Variants in XPO1 observed in about 807,000 individuals in gnomAD.
The protein encoded by XPO1 is exportin-1.
XPO1 carries 5 observed loss-of-function variants against 133.3 expected under a neutral mutation model. That is an observed-to-expected ratio of 0.04 (90% confidence interval 0.02 to 0.08). The LOEUF (loss-of-function observed/expected upper bound fraction) is 0.08. Ranked by LOEUF, XPO1 falls within the 10% of genes least tolerant of loss-of-function variation. The pLI is 1.00. For missense variants in XPO1, 506 were observed against 1,267.5 expected, an observed-to-expected ratio of 0.40 and a Z score of 9.12; for synonymous variants, 419 against 408.2, an observed-to-expected ratio of 1.03 and a Z score of -0.32.
Position 61,482,285 on chromosome 2 carries a change from C to T in XPO1, c.2972+95G>A, listed in dbSNP as rs149904145. The T allele has an allele frequency of 6.2e-4, 756 of 1,211,622 alleles. 1 individual carries two copies. Among genetic ancestry groups the T allele is most frequent in the South Asian group, 5.5e-3 (310 of 56,588 alleles). 75.1% of individuals were successfully genotyped at this position (1,211,622 alleles called of 1,614,324 possible). On this transcript the variant is annotated intron_variant, in intron 23 of 24. Coordinates refer to ENST00000401558, the MANE Select transcript of XPO1 (RefSeq NM_003400.4). ...TCTCCAACTTTTGGGCCCAAGCAAT[C>T]CTCCCACCTTAGGCTTCCCAAAGTG... is the stretch of plus-strand genomic sequence containing the variant.
At chr2:61,525,274 T>C (rs1484996965) in intron 3 of XPO1, 3 of 985,560 alleles carry the variant, frequency 3.0e-6, no homozygotes, top group African/African-American at 3.5e-5. Flanking sequence ...GTAGACCTTG[T>C]GGAGGCCTGC....
rs1696493594 is a variant in XPO1 at position 61,483,286 on chromosome 2, A to G, written c.2678-195T>C. 5.6e-6 allele frequency: 3 copies of G among 537,258 alleles called. No homozygotes were observed. The Admixed American group carries it at 1.1e-4, about 20-fold the overall frequency. The allele number at this position is 537,258 out of a possible 1,614,324, so 33.3% of individuals were successfully genotyped here. A position where few individuals can be genotyped will look rare whatever the true frequency, so the allele number is the denominator to read the frequency against. ...ATATCCAATGCTGGCTTACTTATAA[A>G]TTATAATAAGTTGTGTGAGAGCTAA... On this transcript the variant is annotated intron_variant, in intron 21 of 24. Coordinates refer to ENST00000401558, the MANE Select transcript of XPO1 (RefSeq NM_003400.4).
In XPO1 at chr2:61,533,912, A is replaced by G; in HGVS notation, c.-6-9T>C. 6.6e-7 allele frequency: 1 copy of G among 1,513,422 alleles called. No individual in the cohort carries two copies. The allele number at this position is 1,513,422 out of a possible 1,614,324, so 93.7% of individuals were successfully genotyped here. The stretch of plus-strand genomic sequence containing the variant: ...ATTGCTGGCATAGATTACTGAAAAT[A>G]AAGAAAAAAAATTGAAGCTGCCTAT... On this transcript the variant is annotated splice_polypyrimidine_tract_variant and intron_variant, in intron 1 of 24. Coordinates refer to ENST00000401558, the MANE Select transcript of XPO1 (RefSeq NM_003400.4).
At chr2:61,490,892 C>G (rs1696947141) in intron 16 of XPO1, 116 bp from the exon 17 acceptor site, 1 of 1,250,070 alleles carries the variant, frequency 8.0e-7, no homozygotes, top group Non-Finnish European at 1.1e-6. Context: ...CAGTGGATCA[C>G]TCCTGTAATC....
intron 17 of XPO1, among the ~76,000 whole-genome samples, chr2:61,489,781 C>A (rs1411200531): frequency 1.3e-5 from 2 of 152,008 alleles, no homozygotes; most frequent in African/African-American, 4.8e-5. Flanking sequence ...GTCTCGATCC[C>A]CTGACCTGGT....
In XPO1 at chr2:61,525,484, T is replaced by C. The variant is rs1432931047; in HGVS notation, c.228+936A>G. 4 of 1,008,762 alleles carry C rather than the reference T, an allele frequency of 4.0e-6. No individual in the cohort carries two copies. In the African/African-American group the frequency reaches 5.2e-5, roughly 13 times the overall value. The allele number at this position is 1,008,762 out of a possible 1,614,324, so 62.5% of individuals were successfully genotyped here. The stretch of plus-strand genomic sequence containing the variant: ...TTTGTAATTTATGTAAATTGAAGAA[T>C]TCTTTACCTGTTGCTTTCTTTCTGT... On this transcript the variant is annotated intron_variant, in intron 3 of 24. Transcript: ENST00000401558.
Position 61,486,416 on chromosome 2 carries a change from C to T in XPO1, c.2314-454G>A, listed in dbSNP as rs1202610918. 3.9e-5 allele frequency among the ~76,000 whole-genome samples: 6 copies of T among 151,978 alleles called. No homozygotes were observed. In the East Asian group the frequency reaches 5.8e-4, roughly 15 times the overall value. Reference sequence around the variant, plus strand: ...CTTAGGTGGCAGAATCAGGATTCTACGTATACTGTATATGTAAGATGGCAG... The same window carrying T: ...CTTAGGTGGCAGAATCAGGATTCTATGTATACTGTATATGTAAGATGGCAG... On this transcript the variant is annotated intron_variant, in intron 19 of 24. Transcript: ENST00000401558.
intron 4 of XPO1, among the ~76,000 whole-genome samples, chr2:61,512,811 C>T (rs755269326): frequency 6.6e-6 from 1 of 152,182 alleles, no homozygotes; most frequent in Admixed American, 6.5e-5. Flanking sequence ...GAGGCTGAGA[C>T]TGGCGGATCA....
At chr2:61,495,032 CAG>C (rs1158710805) in intron 11 of XPO1, among the ~76,000 whole-genome samples, 3 of 151,916 alleles carry the variant, frequency 2.0e-5, no homozygotes, top group African/African-American at 7.2e-5. Flanking sequence ...TTAATAGAGA[CAG>C]AGATTCACGA....
intron 4 of XPO1, among the ~76,000 whole-genome samples, chr2:61,521,340 TAA>T (rs1213883722): frequency 1.1e-4 from 16 of 152,106 alleles, no homozygotes; most frequent in African/African-American, 3.9e-4. Context: ...GGACAATACT[TAA>T]AAGACAAATA....
chr2:61,523,992 T>C (rs536964532), intron 3 of XPO1, among the ~76,000 whole-genome samples: 1 of 152,366 alleles, frequency 6.6e-6, no homozygotes, highest in East Asian at 1.9e-4. Flanking sequence ...TAAATAGTGA[T>C]GCTTTCTAAC....
At chr2:61,525,475 A>C (rs1698874204) in intron 3 of XPO1, 1 of 1,007,854 alleles carries the variant, frequency 9.9e-7, no homozygotes, top group Non-Finnish European at 1.2e-6. Flanking sequence ...ATTTATGTAA[A>C]TTGAAGAATT....
rs2104435327 is a variant in XPO1, at chr2:61,492,681, C to T, written c.1452G>A (p.Val484=). Reference sequence around the variant, plus strand: ...TTTTCCATGACCACTCTGTACCATTCACTTGATTGTGAAGCTTCTCTGTCA... The same window carrying T: ...TTTTCCATGACCACTCTGTACCATTTACTTGATTGTGAAGCTTCTCTGTCA... ...RIMTEKLHNQ[V]NGTEWSWKNL... is the part of the protein sequence containing the mutation. The change falls in exon 14 of 25, where the codon GTG becomes GTA. Residue 484 remains valine, a synonymous_variant. Transcript: ENST00000401558. This position sits in a 1 kb window ranked among gnomAD's most constrained non-coding sequence, Gnocchi z 5.6. 8.1e-6 allele frequency: 13 copies of T among 1,613,920 alleles called. No individual in the cohort carries two copies. Among genetic ancestry groups the T allele is most frequent in the Non-Finnish European group, 1.1e-5 (13 of 1,179,970 alleles).
intron 3 of XPO1, among the ~76,000 whole-genome samples, chr2:61,524,561 TC>T (rs1376010076): frequency 6.6e-6 from 1 of 152,120 alleles, no homozygotes; most frequent in African/African-American, 2.4e-5. Context: ...TATCCTAAAA[TC>T]CAATCTCTCC....
intron 3 of XPO1, chr2:61,525,644 TTA>T (rs1258788249): frequency 2.9e-6 from 3 of 1,022,784 alleles, no homozygotes; most frequent in East Asian, 6.5e-5. Context: ...GCAAACACTG[TTA>T]TGTTACTTAA....
intron 12 of XPO1, chr2:61,493,271 A>T (rs1573131127): frequency 2.5e-6 from 1 of 403,014 alleles, no homozygotes; most frequent in East Asian, 3.8e-5. Context: ...AATGACACCC[A>T]ATCTCTAAAA....
rs1457995063 is a variant in XPO1, at chr2:61,534,073, T to C, written c.-6-170A>G. Reference sequence around the variant, plus strand: ...TAAAAGCAAGTAACAAAAGCTGAAATTACTTAGCTATTTGATAATTACATA... The same window carrying C: ...TAAAAGCAAGTAACAAAAGCTGAAACTACTTAGCTATTTGATAATTACATA... On this transcript the variant is annotated intron_variant, in intron 1 of 24. Coordinates refer to ENST00000401558, the MANE Select transcript of XPO1 (RefSeq NM_003400.4). 18 of 592,742 alleles carry C rather than the reference T, an allele frequency of 3.0e-5. No individual in the cohort carries two copies. The East Asian group carries it at 5.8e-4, about 19-fold the overall frequency. The allele number at this position is 592,742 out of a possible 1,614,324, so 36.7% of individuals were successfully genotyped here. A position where few individuals can be genotyped will look rare whatever the true frequency, so the allele number is the denominator to read the frequency against.
chr2:61,504,812 C>T (rs973472743), intron 4 of XPO1, among the ~76,000 whole-genome samples: 2 of 152,150 alleles, frequency 1.3e-5, no homozygotes, highest in Non-Finnish European at 1.5e-5. Context: ...TATGACAACA[C>T]TAGCCATTTC....
At chr2:61,506,381 C>T (rs1296536145) in intron 4 of XPO1, among the ~76,000 whole-genome samples, 1 of 152,160 alleles carries the variant, frequency 6.6e-6, no homozygotes, top group Non-Finnish European at 1.5e-5. Flanking sequence ...TGAGATCGCG[C>T]CACTGCACTC....
Sources: allele counts gnomAD v4.1 joint callset (sites outside exome capture counted in the v4.1 genomes callset), GRCh38; gene constraint gnomAD v4.1.1; non-coding constraint Gnocchi (gnomAD v3.1); transcripts MANE v1.5; gene names NCBI Gene and HGNC (gene_info 2026-07-23, HGNC 2026-07-21).